The following PDE11A variants were observed in gnomAD, a reference collection of about 807,000 sequenced individuals.
PDE11A encodes the protein phosphodiesterase 11A.
Under a neutral mutation model 100.5 loss-of-function variants are expected in PDE11A, and 100 were observed. The observed-to-expected ratio is 1.00, with a 90% CI of 0.85 to 1.18. PDE11A has a LOEUF of 1.18. PDE11A is among the 50% of genes most tolerant of loss of function. The pLI is 0.00. For synonymous variants in PDE11A, 381 were observed against 420.8 expected, an observed-to-expected ratio of 0.91 and a Z score of 1.16; for missense variants, 1,141 against 1,152.6, an observed-to-expected ratio of 0.99 and a Z score of 0.15.
intron 4 of PDE11A, among the ~76,000 whole-genome samples, chr2:177,883,267 C>CA (rs376882317): frequency 0.24 from 31,358 of 132,064 alleles, 3,474 homozygotes; most frequent in Middle Eastern, 0.28. Flanking sequence ...GACTCTGTCT[C>CA]AAAAAAAAAA....
intron 2 of PDE11A, among the ~76,000 whole-genome samples, chr2:178,086,374 T>G (rs1045404306): frequency 2.6e-5 from 4 of 152,294 alleles, no homozygotes; most frequent in African/African-American, 9.6e-5. Context: ...CATGAATAGC[T>G]GGAAGCATGG....
At chr2:177,673,561 G>C (rs369578254) in intron 17 of PDE11A, among the ~76,000 whole-genome samples, 2 of 152,234 alleles carry the variant, frequency 1.3e-5, no homozygotes, top group South Asian at 4.1e-4. Flanking sequence ...GGTGTGTGTA[G>C]GTCTTTAATC....
chr2:177,632,448 C>A (rs973653489), intron 19 of PDE11A, among the ~76,000 whole-genome samples: 1 of 152,162 alleles, frequency 6.6e-6, no homozygotes, highest in African/African-American at 2.4e-5. Context: ...TCCATTAATT[C>A]TATCACCCAT....
Position 178,072,104 on chromosome 2 carries a change from G to A in PDE11A, c.334C>T (p.Leu112=), listed in dbSNP as rs2087141037. The change falls in exon 1 of 20, where the codon CTG becomes TTG. Residue 112 remains leucine (L), a synonymous_variant. Transcript: ENST00000286063. ...TCTTTCTGAGAAGCTCTCCGCTGCA[G>A]GTTCCCATCGCCCCTGCTGCCACCG... ...WAGGSRGDGN[L]QRRASQKELR... is the part of the protein sequence containing the mutation. 6.2e-7 allele frequency: 1 copy of A among 1,613,994 alleles called. No homozygotes were observed. The highest frequency in any genetic ancestry group is 8.5e-7 in the Non-Finnish European group (1 of 1,179,954).
rs1553527248 is a variant in PDE11A, at chr2:177,624,260, G to GGT, written c.*5146_*5147insAC. 20 of 142,822 alleles carry GGT rather than the reference G, an allele frequency of 1.4e-4. No homozygotes were observed. The highest frequency in any genetic ancestry group is 5.1e-4 in the African/African-American group (20 of 38,846). The allele number at this position is 142,822 out of a possible 1,614,324, so 8.8% of individuals were successfully genotyped here. A position where few individuals can be genotyped will look rare whatever the true frequency, so the allele number is the denominator to read the frequency against. On this transcript the variant is annotated 3_prime_UTR_variant, in exon 20 of 20. Transcript: ENST00000286063. ...AATGAATCCTTTTTGTGTTTTGGTG[G>GGT]TTTTTTTTTTTTTCAGCCAAGGCAT...
intron 10 of PDE11A, among the ~76,000 whole-genome samples, chr2:177,754,192 C>G (rs1305960075): frequency 6.6e-6 from 1 of 152,196 alleles, no homozygotes; most frequent in Non-Finnish European, 1.5e-5. Flanking sequence ...AAGAGCTACG[C>G]AAATATATTA....
chr2:177,958,246 G>A lies in PDE11A; in HGVS notation c.1072-53059C>T, dbSNP rs578066927. On this transcript the variant is annotated intron_variant, in intron 2 of 19. Transcript: ENST00000286063. ...TCTAGTACATAAAGTATTGCAGCAT[G>A]TTTTTTTCTCCTCAGTACATAAAAG... Among the ~76,000 whole-genome samples, 3 of 152,166 alleles carry A rather than the reference G, an allele frequency of 2.0e-5. No homozygotes were observed. The South Asian group carries it at 6.2e-4, about 32-fold the overall frequency.
intron 12 of PDE11A, among the ~76,000 whole-genome samples, chr2:177,716,384 C>A (rs1052586172): frequency 1.3e-5 from 2 of 152,098 alleles, no homozygotes; most frequent in Non-Finnish European, 2.9e-5. Flanking sequence ...TATGGGTACC[C>A]CTTCCTCCAC....
chr2:177,808,206 AAAG>A (rs1299073003), intron 9 of PDE11A, among the ~76,000 whole-genome samples: 1 of 152,222 alleles, frequency 6.6e-6, no homozygotes, highest in Non-Finnish European at 1.5e-5. Flanking sequence ...TGTTTTGAGT[AAAG>A]AAGAATTTAC....
rs569677901 is a variant in PDE11A, at chr2:178,066,784, C to A, written c.912+4742G>T. ...CCTCAGGCAGGCAATTCAGCGGGGG[C>A]CCCTTGCCCACCTTCAATCCAAATA... On this transcript the variant is annotated intron_variant, in intron 1 of 19. Transcript: ENST00000286063. Among the ~76,000 whole-genome samples the A allele has an allele frequency of 5.1e-4, 77 of 152,318 alleles. 1 individual carries two copies. The South Asian group carries it at 0.016, about 32-fold the overall frequency.
At chr2:177,905,982 A>G (rs1427938429) in intron 2 of PDE11A, among the ~76,000 whole-genome samples, 5 of 152,216 alleles carry the variant, frequency 3.3e-5, no homozygotes, top group African/African-American at 1.2e-4. Context: ...TGCACTCTCA[A>G]GAAATTCATC....
At chr2:177,812,251 A>C (rs111257069) in intron 9 of PDE11A, among the ~76,000 whole-genome samples, 2,355 of 152,262 alleles carry the variant, frequency 0.015, 34 homozygotes, top group Non-Finnish European at 0.024. Flanking sequence ...TTAACATATG[A>C]ATAAAACAAG....
intron 2 of PDE11A, among the ~76,000 whole-genome samples, chr2:177,995,886 A>G (rs1267730812): frequency 6.6e-6 from 1 of 152,218 alleles, no homozygotes; most frequent in African/African-American, 2.4e-5. Flanking sequence ...CATCAGATTC[A>G]GTATTTTGGC....
intron 9 of PDE11A, among the ~76,000 whole-genome samples, chr2:177,789,360 A>G (rs2082592854): frequency 1.3e-5 from 2 of 152,096 alleles, no homozygotes; most frequent in Admixed American, 1.3e-4. Flanking sequence ...AAAAACTCTC[A>G]ATAAATTAGG....
At chr2:177,875,623 C>G (rs569334500) in intron 5 of PDE11A, among the ~76,000 whole-genome samples, 1 of 151,936 alleles carries the variant, frequency 6.6e-6, no homozygotes, top group Non-Finnish European at 1.5e-5. Context: ...TCTCATGATT[C>G]GCCCGCCTCA....
At chr2:178,101,217 A>G (rs1023050596) in intron 2 of PDE11A, among the ~76,000 whole-genome samples, 4 of 152,224 alleles carry the variant, frequency 2.6e-5, no homozygotes, top group Non-Finnish European at 5.9e-5. Context: ...TATTACTAGA[A>G]CAACTCACAG....
At chr2:177,693,085 A>G (rs769492194) in intron 15 of PDE11A, among the ~76,000 whole-genome samples, 2 of 152,214 alleles carry the variant, frequency 1.3e-5, no homozygotes, top group African/African-American at 2.4e-5. Context: ...TCAGGGCAGA[A>G]GAACCAACAA....
chr2:177,922,343 G>A (rs572399250), intron 2 of PDE11A, among the ~76,000 whole-genome samples: 61 of 152,140 alleles, frequency 4.0e-4, no homozygotes, highest in African/African-American at 1.4e-3. Context: ...CCCTCTTGAC[G>A]AGTTAATGGG....
intron 2 of PDE11A, among the ~76,000 whole-genome samples, chr2:178,009,951 CAT>C (rs1051172763): frequency 2.6e-5 from 4 of 152,198 alleles, no homozygotes; most frequent in African/African-American, 9.7e-5. Flanking sequence ...CACCACTACT[CAT>C]GTGAATGATG....
Sources: allele counts gnomAD v4.1 joint callset (sites outside exome capture counted in the v4.1 genomes callset), GRCh38; gene constraint gnomAD v4.1.1; transcripts MANE v1.5; gene names NCBI Gene and HGNC (gene_info 2026-07-23, HGNC 2026-07-21).